VRK2: variants seen among roughly 807,000 people sequenced by gnomAD.
VRK2 encodes the protein serine/threonine-protein kinase VRK2.
In VRK2, 60 loss-of-function variants were observed where a neutral mutation model predicts 57.6. The ratio of observed to expected loss-of-function variants is 1.04; its 90% CI spans 0.85 to 1.29. The LOEUF is 1.29. VRK2 is among the 50% of genes most tolerant of loss of function. VRK2 has a pLI of 0.00. For synonymous variants in VRK2, 231 were observed against 199.2 expected (o/e 1.16, Z -1.35); for missense variants, 705 against 588.1 (o/e 1.20, Z -2.06).
chr2:58,109,773 A>G (rs1368854553), intron 7 of VRK2, among the ~76,000 whole-genome samples: 1 of 152,198 alleles, frequency 6.6e-6, no homozygotes, highest in Non-Finnish European at 1.5e-5. Context: ...GTGGAGACAC[A>G]GCCAAACCAT....
chr2:58,072,083 T>C (rs549889449), intron 2 of VRK2, among the ~76,000 whole-genome samples: 2 of 152,144 alleles, frequency 1.3e-5, no homozygotes, highest in South Asian at 4.1e-4. Flanking sequence ...CTCATTGATG[T>C]TATTTAAGAA....
rs999684201 is a variant in VRK2, at chr2:57,979,128, G to A, written c.-438-46537G>A. Among the ~76,000 whole-genome samples the A allele has an allele frequency of 5.3e-5, 8 of 151,182 alleles. 2 individuals are homozygous for A. The highest frequency in any genetic ancestry group is 1.7e-4 in the African/African-American group (7 of 40,552). On this transcript the variant is annotated intron_variant, in intron 1 of 15. Transcript: ENST00000417641. ...GTAAATAGTACTGCAATAAACATAC[G>A]TGTGCATGTGTTTTTGCAGTAGAAT...
chr2:57,929,228 G>T (rs1670639994), intron 1 of VRK2, among the ~76,000 whole-genome samples: 1 of 152,176 alleles, frequency 6.6e-6, no homozygotes, highest in African/African-American at 2.4e-5. Flanking sequence ...GAATATACCT[G>T]GTGCCTTATT....
intron 7 of VRK2, among the ~76,000 whole-genome samples, chr2:58,102,176 G>C (rs1298199925): frequency 2.0e-5 from 3 of 151,478 alleles, no homozygotes; most frequent in Non-Finnish European, 4.4e-5. Flanking sequence ...CTGACAATGG[G>C]AACTGCTGTG....
chr2:57,931,776 T>A (rs1205848312), intron 1 of VRK2, among the ~76,000 whole-genome samples: 1 of 151,644 alleles, frequency 6.6e-6, no homozygotes, highest in Non-Finnish European at 1.5e-5. Context: ...CCATTTTGAG[T>A]TGATTTTTGT....
chr2:58,121,188 A>G (rs1275386865), intron 7 of VRK2, among the ~76,000 whole-genome samples: 1 of 152,228 alleles, frequency 6.6e-6, no homozygotes, highest in Admixed American at 6.5e-5. Context: ...GATGTAAGGC[A>G]CTTAGCATAC....
At chr2:57,940,086 G>T (rs905719891) in intron 1 of VRK2, among the ~76,000 whole-genome samples, 4 of 152,154 alleles carry the variant, frequency 2.6e-5, no homozygotes, top group South Asian at 2.1e-4. Context: ...CCAGAGAAAT[G>T]GAAATAATAG....
chr2:58,014,533 A>G, intron 1 of VRK2, among the ~76,000 whole-genome samples: 1 of 152,176 alleles, frequency 6.6e-6, no homozygotes, highest in South Asian at 2.1e-4. Context: ...TTCTGCTTCA[A>G]CAACTCAGGT....
intron 2 of VRK2, among the ~76,000 whole-genome samples, chr2:58,063,977 T>A (rs1214625892): frequency 6.6e-6 from 1 of 152,088 alleles, no homozygotes; most frequent in African/African-American, 2.4e-5. Flanking sequence ...CAACTATAGA[T>A]GTGACAGAAA....
rs778926534 is a variant in VRK2, at chr2:58,159,410, GT to G, written c.1247del (p.Phe416SerfsTer49). The G allele has an allele frequency of 6.2e-7, 1 of 1,613,462 alleles. No homozygotes were observed. The highest frequency in any genetic ancestry group is 1.7e-5 in the Admixed American group (1 of 59,958). On this transcript the variant is annotated frameshift_variant, in exon 13 of 13. Transcript: ENST00000340157. LOFTEE classifies it low-confidence loss of function (END_TRUNC). ...CAAGAACCTTTGAATGAAGTAAACA[GT>G]TTCCCACAAAAAATCAGCTATACAC... ...ESQEPLNEVN[S>X]FPQKISYTQF...
chr2:58,136,181 C>A (rs150267074), intron 10 of VRK2, among the ~76,000 whole-genome samples: 222 of 152,258 alleles, frequency 1.5e-3, no homozygotes, highest in African/African-American at 5.2e-3. Context: ...GTTCTACTTC[C>A]CCTCTCCATT....
upstream of VRK2, chr2:58,046,733 G>C (rs188811481): frequency 6.1e-6 from 6 of 985,446 alleles, no homozygotes; most frequent in African/African-American, 1.7e-5. Flanking sequence ...AGAGAAGTTA[G>C]GCAGGTCCTA....
chr2:57,908,544 T>C (rs1205284856), intron 1 of VRK2, among the ~76,000 whole-genome samples: 2 of 152,130 alleles, frequency 1.3e-5, no homozygotes, highest in African/African-American at 4.8e-5. Flanking sequence ...AGCTCCATCA[T>C]TTCTGAATGT....
At chr2:58,102,492 T>TAAAAAAA (rs570889511) in intron 7 of VRK2, among the ~76,000 whole-genome samples, 1 of 105,364 alleles carries the variant, frequency 9.5e-6, no homozygotes, top group African/African-American at 3.3e-5. Flanking sequence ...CAAAAACAGT[T>TAAAAAAA]AAAAAAAAAA....
chr2:58,126,789 A>T (rs1375782340), intron 8 of VRK2, among the ~76,000 whole-genome samples: 3 of 151,970 alleles, frequency 2.0e-5, no homozygotes, highest in Non-Finnish European at 4.4e-5. Flanking sequence ...ACACTGACAT[A>T]TTTTGGGCTT....
chr2:58,139,571 G>C (rs1681027808), intron 10 of VRK2, 95 bp from the exon 11 acceptor site: 1 of 1,122,924 alleles, frequency 8.9e-7, no homozygotes, highest in Non-Finnish European at 1.3e-6. Context: ...ATGTAAATGT[G>C]TAAAAGACAA....
intron 1 of VRK2, among the ~76,000 whole-genome samples, chr2:57,956,253 T>C (rs961824514): frequency 1.3e-5 from 2 of 152,080 alleles, no homozygotes; most frequent in Non-Finnish European, 2.9e-5. Flanking sequence ...GGCATGGTGA[T>C]GCATGCCTGT....
chr2:57,922,450 C>T (rs1670380077), intron 1 of VRK2, among the ~76,000 whole-genome samples: 2 of 108,712 alleles, frequency 1.8e-5, no homozygotes, highest in African/African-American at 7.9e-5. Flanking sequence ...ACATAGTTAC[C>T]TTCTTGTGTG....
At chr2:58,099,869 A>G (rs901394369) in intron 7 of VRK2, among the ~76,000 whole-genome samples, 1 of 152,072 alleles carries the variant, frequency 6.6e-6, no homozygotes, top group Non-Finnish European at 1.5e-5. Flanking sequence ...ATGAGATTTC[A>G]ACTAAGTGAT....
Sources: allele counts gnomAD v4.1 joint callset (sites outside exome capture counted in the v4.1 genomes callset), GRCh38; gene constraint gnomAD v4.1.1; transcripts MANE v1.5; gene names NCBI Gene and HGNC (gene_info 2026-07-23, HGNC 2026-07-21).